Variants in PLCH1 observed in about 807,000 individuals in gnomAD.
PLCH1 encodes the protein phospholipase C eta 1.
PLCH1 carries 60 observed loss-of-function variants against 126.7 expected under a neutral mutation model. The ratio of observed to expected loss-of-function variants is 0.47; its 90% confidence interval spans 0.38 to 0.59. The LOEUF is 0.59. PLCH1 is among the 20% of genes least tolerant of loss of function. The probability of loss-of-function intolerance (pLI) is 0.00; values close to 1 mark genes in which losing one functional copy is unlikely to be tolerated. For synonymous variants in PLCH1, 719 were observed against 734.9 expected (o/e 0.98, Z 0.35); for missense variants, 1,723 against 2,040.0 (o/e 0.84, Z 2.99).
chr3:155,597,361 T>C (rs1733109873), intron 2 of PLCH1, among the ~76,000 whole-genome samples: 1 of 152,234 alleles, frequency 6.6e-6, no homozygotes, highest in East Asian at 1.9e-4. Context: ...ATAATTCTTA[T>C]TCTTCCTAAG....
chr3:155,708,269 TAATA>T lies in PLCH1; in HGVS notation c.-40-4009_-40-4006del, dbSNP rs35843399. Among the ~76,000 whole-genome samples, 187 of 152,288 alleles carry T rather than the reference TAATA, an allele frequency of 1.2e-3. 1 individual carries two copies. In the East Asian group the frequency reaches 0.016, roughly 13 times the overall value. Reference sequence around the variant, plus strand: ...GATTTAGAGATAATGGAGGTGGAGATAATAAATAGAGTTAGTAGGCCTGGGGCAA... The same window carrying T: ...GATTTAGAGATAATGGAGGTGGAGATAATAGAGTTAGTAGGCCTGGGGCAA... On this transcript the variant is annotated intron_variant, in intron 1 of 22. Transcript: ENST00000460012.
intron 14 of PLCH1, 53 bp downstream of exon 14, chr3:155,500,650 A>G: frequency 9.5e-7 from 1 of 1,050,546 alleles, no homozygotes; most frequent in Non-Finnish European, 1.5e-6. Flanking sequence ...TAAGCTGACA[A>G]GGATGGAGGG....
intron 11 of PLCH1, among the ~76,000 whole-genome samples, chr3:155,522,187 T>C (rs1721187770): frequency 6.6e-6 from 1 of 151,550 alleles, no homozygotes; most frequent in Admixed American, 6.6e-5. Context: ...AGATGCAAAA[T>C]GATAAAAAAT....
intron 21 of PLCH1, among the ~76,000 whole-genome samples, chr3:155,471,791 C>A (rs1008054694): frequency 1.3e-5 from 2 of 152,096 alleles, no homozygotes; most frequent in African/African-American, 4.8e-5. Context: ...AATCGCTCAA[C>A]TACATGGAAA....
At chr3:155,453,198 C>G (rs1209874308) in intron 21 of PLCH1, among the ~76,000 whole-genome samples, 3 of 152,114 alleles carry the variant, frequency 2.0e-5, no homozygotes, top group Non-Finnish European at 4.4e-5. Flanking sequence ...CCATGAAAGA[C>G]AAAGGCTAAG....
intron 19 of PLCH1, 67 bp from the exon 20 acceptor site, chr3:155,488,873 C>T: frequency 2.9e-6 from 4 of 1,402,032 alleles, no homozygotes; most frequent in Non-Finnish European, 3.9e-6. Flanking sequence ...TTGGCAGCAA[C>T]ATCTGCAAAG....
At chr3:155,604,974 C>A (rs1404672166) in intron 2 of PLCH1, among the ~76,000 whole-genome samples, 1 of 152,166 alleles carries the variant, frequency 6.6e-6, no homozygotes, top group Non-Finnish European at 1.5e-5. Context: ...TCTCTCTTTG[C>A]CATTCTGTCA....
intron 2 of PLCH1, among the ~76,000 whole-genome samples, chr3:155,679,930 C>G (rs1744378373): frequency 6.6e-6 from 1 of 152,148 alleles, no homozygotes; most frequent in Admixed American, 6.6e-5. Flanking sequence ...TTTCCCCTGG[C>G]TCTGTGCTTT....
intron 2 of PLCH1, among the ~76,000 whole-genome samples, chr3:155,662,471 A>C (rs1373401155): frequency 6.6e-6 from 1 of 151,962 alleles, no homozygotes; most frequent in Non-Finnish European, 1.5e-5. Flanking sequence ...GTCTCTAAAA[A>C]AAAATTAAAA....
Position 155,627,769 on chromosome 3 carries a change from A to AT in PLCH1, c.80-31392dup, listed in dbSNP as rs60152083. Among the ~76,000 whole-genome samples the AT allele has an allele frequency of 1.7e-3, 198 of 116,560 alleles. 1 individual carries two copies. The highest frequency in any genetic ancestry group is 4.4e-3 in the Middle Eastern group (1 of 226). The allele number at this position is 116,560 out of a possible 152,430, so 76.5% of individuals were successfully genotyped here. ...ATTTTGCCAAAAAAAGTTATCGGAG[A>AT]TTTTTTTTTTTTTTTTGAGACAGAA... On this transcript the variant is annotated intron_variant, in intron 2 of 22. Transcript: ENST00000460012.
chr3:155,605,237 CTT>C (rs1242585912), intron 2 of PLCH1, among the ~76,000 whole-genome samples: 1 of 152,162 alleles, frequency 6.6e-6, no homozygotes, highest in East Asian at 1.9e-4. Context: ...TCAACACACT[CTT>C]AGTCCAAATG....
rs1340685869 is a variant in PLCH1, at chr3:155,712,954, A to C, written c.-40-8690T>G. 3.3e-5 allele frequency among the ~76,000 whole-genome samples: 5 copies of C among 150,642 alleles called. No homozygotes were observed. In the East Asian group the frequency reaches 9.7e-4, roughly 29 times the overall value. On this transcript the variant is annotated intron_variant, in intron 1 of 22. Transcript: ENST00000460012. ...ATTAATAATATATTATTTGTAAATC[A>C]CTTCATGATTTACACAATTTTCCAT...
intron 2 of PLCH1, among the ~76,000 whole-genome samples, chr3:155,693,747 T>C (rs1441598734): frequency 6.6e-6 from 1 of 152,028 alleles, no homozygotes; most frequent in Non-Finnish European, 1.5e-5. Context: ...CTGGTCAACA[T>C]GGTGAAACCC....
chr3:155,548,965 ATATT>A (rs1441075595), intron 10 of PLCH1, among the ~76,000 whole-genome samples: 1 of 152,000 alleles, frequency 6.6e-6, no homozygotes, highest in Non-Finnish European at 1.5e-5. Flanking sequence ...CTCCTCCTAT[ATATT>A]TGTTTTTTCA....
At chr3:155,559,318 A>G (rs1016847617) in intron 8 of PLCH1, among the ~76,000 whole-genome samples, 1 of 152,098 alleles carries the variant, frequency 6.6e-6, no homozygotes, top group African/African-American at 2.4e-5. Context: ...CACGGAAAAC[A>G]CTTAGCCAGG....
downstream of PLCH1, among the ~76,000 whole-genome samples, chr3:155,477,618 A>G (rs1191889737): frequency 1.3e-5 from 2 of 152,200 alleles, no homozygotes; most frequent in African/African-American, 4.8e-5. Flanking sequence ...AAGAAGACAT[A>G]CAAATGGAAA....
chr3:155,590,588 A>G (rs538779824), intron 4 of PLCH1, among the ~76,000 whole-genome samples: 1 of 147,574 alleles, frequency 6.8e-6, no homozygotes, highest in African/African-American at 2.5e-5. Flanking sequence ...AAAAAAAAAA[A>G]AAATACAAAA....
intron 2 of PLCH1, among the ~76,000 whole-genome samples, chr3:155,685,442 C>A (rs1744863265): frequency 6.6e-6 from 1 of 152,076 alleles, no homozygotes; most frequent in Admixed American, 6.5e-5. Flanking sequence ...AACTGTGGTA[C>A]CAAGGGAAGG....
Position 155,534,564 on chromosome 3 carries a change from T to C in PLCH1, c.1363-10560A>G, listed in dbSNP as rs758522496. Among the ~76,000 whole-genome samples, 14 of 152,112 alleles carry C rather than the reference T, an allele frequency of 9.2e-5. No homozygotes were observed. In the East Asian group the frequency reaches 9.6e-4, roughly 10 times the overall value. The stretch of plus-strand genomic sequence containing the variant: ...GTTAAGCCTGGAAAGAGTTAAGACT[T>C]TGGGGGACTGTTGGAAAGACATGAC... On this transcript the variant is annotated intron_variant, in intron 10 of 22. Transcript: ENST00000460012.
Sources: gnomAD v4.1 joint callset for allele counts (sites outside exome capture counted in the v4.1 genomes callset) on GRCh38, gnomAD v4.1.1 for gene constraint, MANE v1.5 for transcripts, NCBI Gene and HGNC (gene_info 2026-07-23, HGNC 2026-07-21) for gene names.